Variants in KIF27 observed in about 807,000 individuals in gnomAD.
KIF27 encodes kinesin-like protein KIF27.
Under a neutral mutation model 141.8 loss-of-function variants are expected in KIF27, and 84 were observed. That is an observed-to-expected ratio of 0.59 (90% CI 0.50 to 0.71). The LOEUF (loss-of-function observed/expected upper bound fraction) is 0.71, where lower values mean the gene tolerates loss of function less well. Ranked by LOEUF, KIF27 falls within the 30% of genes least tolerant of loss-of-function variation. The pLI is 0.00. For synonymous variants in KIF27, 471 were observed against 569.5 expected, an observed-to-expected ratio of 0.83 and a Z score of 2.46; for missense variants, 1,306 against 1,628.4, an observed-to-expected ratio of 0.80 and a Z score of 3.41.
At chr9:83,913,269 G>A (rs1955362138) in intron 2 of KIF27, among the ~76,000 whole-genome samples, 1 of 152,170 alleles carries the variant, frequency 6.6e-6, no homozygotes, top group African/African-American at 2.4e-5. Context: ...TTCTGCCCTA[G>A]TGCCCAGCAC....
intron 13 of KIF27, among the ~76,000 whole-genome samples, chr9:83,865,018 C>A (rs1488386445): frequency 2.0e-5 from 3 of 151,468 alleles, no homozygotes; most frequent in Non-Finnish European, 4.4e-5. Context: ...TTTTGTTTTC[C>A]ATTTGCTTGG....
chr9:83,902,349 C>A (rs1443001202), intron 4 of KIF27, among the ~76,000 whole-genome samples: 1 of 152,170 alleles, frequency 6.6e-6, no homozygotes, highest in East Asian at 1.9e-4. Context: ...CATTCATTTG[C>A]TCACTAGCTT....
intron 3 of KIF27, among the ~76,000 whole-genome samples, chr9:83,908,192 G>C (rs1954759250): frequency 6.7e-6 from 1 of 149,472 alleles, no homozygotes; most frequent in Non-Finnish European, 1.5e-5. Context: ...AACCCAGGAG[G>C]TAGAGGTTGC....
chr9:83,891,631 G>C (rs1952691598), intron 5 of KIF27, 130 bp from the exon 6 acceptor site: 1 of 885,492 alleles, frequency 1.1e-6, no homozygotes, highest in Non-Finnish European at 1.7e-6. Flanking sequence ...CATTTATCCA[G>C]AGACTAGCTC....
chr9:83,908,715 A>T (rs1954831562), intron 2 of KIF27, 63 bp from the exon 3 acceptor site: 1 of 969,410 alleles, frequency 1.0e-6, no homozygotes. Context: ...TACAACCCCA[A>T]ATTTATAGTT....
At chr9:83,885,937 G>GT (rs993869245) in intron 9 of KIF27, among the ~76,000 whole-genome samples, 13 of 137,754 alleles carry the variant, frequency 9.4e-5, no homozygotes, top group African/African-American at 3.9e-4. Context: ...AGGGCATTAA[G>GT]TTTTTTGTGT....
chr9:83,856,065 A>G lies in KIF27; in HGVS notation c.3151-2230T>C, dbSNP rs1349465121. Among the ~76,000 whole-genome samples, 68 of 152,192 alleles carry G rather than the reference A, an allele frequency of 4.5e-4. 1 individual carries two copies. The highest frequency in any genetic ancestry group is 4.5e-3 in the Admixed American group (68 of 15,272). On this transcript the variant is annotated intron_variant, in intron 14 of 17. Coordinates refer to ENST00000297814, the MANE Select transcript of KIF27 (RefSeq NM_017576.4). ...ATCCTGGGATGAAAAATTTGCCACAATACAAACCACAGGTTATCAAGAGTT... is the reference window on the plus strand; with the variant it reads ...ATCCTGGGATGAAAAATTTGCCACAGTACAAACCACAGGTTATCAAGAGTT...
intron 13 of KIF27, among the ~76,000 whole-genome samples, chr9:83,863,149 TA>T (rs1271786293): frequency 6.6e-6 from 1 of 152,200 alleles, no homozygotes; most frequent in African/African-American, 2.4e-5. Context: ...CCTCTTTTCC[TA>T]ACTGAATACC....
intron 5 of KIF27, among the ~76,000 whole-genome samples, chr9:83,894,872 T>G (rs1326136821): frequency 6.6e-6 from 1 of 152,180 alleles, no homozygotes; most frequent in Non-Finnish European, 1.5e-5. Flanking sequence ...AGGGTGGTTT[T>G]GGGGAACCCC....
Position 83,903,745 on chromosome 9 carries a change from C to G in KIF27, c.773G>C (p.Gly258Ala), listed in dbSNP as rs1179124812. 6.2e-7 allele frequency: 1 copy of G among 1,614,196 alleles called. No homozygotes were observed. The highest frequency in any genetic ancestry group is 1.7e-5 in the Admixed American group (1 of 60,020). ...SERVTKTGNTGERFKESIQIN... is the reference protein window; with the variant it reads ...SERVTKTGNTAERFKESIQIN... ...TTGAATGGATTCTTTGAACCGTTCA[C>G]CAGTATTCCCCGTTTTGGTTACTCT... Residue 258 changes from glycine to alanine, a missense_variant, in exon 4 of 18, where the codon GGT becomes GCT. Around this residue, in one of 4 missense-constraint regions of KIF27, gnomAD observed 533 missense variants for 565.6 expected, o/e 0.94. Coordinates refer to ENST00000297814, the MANE Select transcript of KIF27 (RefSeq NM_017576.4).
chr9:83,891,447 T>C lies in KIF27; in HGVS notation c.1657A>G (p.Thr553Ala). 1.2e-6 allele frequency: 2 copies of C among 1,613,920 alleles called. No individual in the cohort carries two copies. The highest frequency in any genetic ancestry group is 1.7e-6 in the Non-Finnish European group (2 of 1,179,884). Residue 553 changes from threonine (T) to alanine (A), a missense_variant, in exon 6 of 18, where the codon ACA becomes GCA. Transcript: ENST00000297814. ...GAAGTCACTGACAGGTTAAGTTTTGTTAGTTCTTCACTCAGTTGATCCACA... is the reference window on the plus strand; with the variant it reads ...GAAGTCACTGACAGGTTAAGTTTTGCTAGTTCTTCACTCAGTTGATCCACA... ...LLVDQLSEEL[T>A]KLNLSVTSSA...
intron 1 of KIF27, 104 bp downstream of exon 1, chr9:83,921,267 C>G (rs1468611204): frequency 4.6e-5 from 7 of 152,416 alleles, no homozygotes; most frequent in Non-Finnish European, 1.0e-4. Context: ...CAACGGCCGG[C>G]TGGGGGCGCG....
chr9:83,850,135 C>G lies in KIF27; in HGVS notation c.3520G>C (p.Glu1174Gln), dbSNP rs1391582977. 6.2e-7 allele frequency: 1 copy of G among 1,613,944 alleles called. No individual in the cohort carries two copies. Among genetic ancestry groups the G allele is most frequent in the South Asian group, 1.1e-5 (1 of 91,064 alleles). The change falls in exon 16 of 18, where the codon GAA (glutamate) becomes CAA (glutamine). Residue 1174 changes from glutamate (E) to glutamine (Q), a missense_variant. Around this residue, in one of 4 missense-constraint regions of KIF27, gnomAD observed 596 missense variants for 751.6 expected, o/e 0.79. Coordinates refer to ENST00000297814, the MANE Select transcript of KIF27 (RefSeq NM_017576.4). ...TGTAATAGCAACTGCATCTTTTGTT[C>G]GTGTTCCTTTTGCTGGAGGGTCAGT... Reference protein sequence around the residue: ...RRLTLQQKEHEQKMQLLLHHF... With the variant: ...RRLTLQQKEHQQKMQLLLHHF...
chr9:83,901,357 A>G (rs935253686), intron 4 of KIF27, among the ~76,000 whole-genome samples: 12 of 152,222 alleles, frequency 7.9e-5, no homozygotes, highest in Admixed American at 2.0e-4. Flanking sequence ...TGAGTTTGGT[A>G]TAATAGGAAA....
chr9:83,853,889 G>C, intron 14 of KIF27, 54 bp from the exon 15 acceptor site: 1 of 1,280,242 alleles, frequency 7.8e-7, no homozygotes, highest in Non-Finnish European at 1.1e-6. Flanking sequence ...CTTTGACTTT[G>C]TCATATACTC....
At chr9:83,900,127 A>G (rs577285341) in intron 4 of KIF27, among the ~76,000 whole-genome samples, 1 of 152,340 alleles carries the variant, frequency 6.6e-6, no homozygotes, top group South Asian at 2.1e-4. Context: ...TGAGATTTTA[A>G]TGTGGATCAC....
At position 83,908,643 on chromosome 9, in the gene KIF27, A is replaced by C. The variant is rs1244585494; in HGVS notation, c.308T>G (p.Val103Gly). ...AGGAATGATACCCTTTTGGCCCTCC[A>C]CAACTGAAGCTGAAAATTTAGAAAA... ...TIGGGHIASV[V>G]EGQKGIIPRA... Residue 103 changes from valine to glycine, a missense_variant, in exon 3 of 18, where the codon GTG becomes GGG. Transcript: ENST00000297814. The C allele has an allele frequency of 6.3e-7, 1 of 1,585,390 alleles. No homozygotes were observed. Among genetic ancestry groups the C allele is most frequent in the Admixed American group, 1.8e-5 (1 of 55,888 alleles).
In KIF27 at chr9:83,839,485, T is replaced by G. The variant is rs1946311672; in HGVS notation, c.3722-2000A>C. Among the ~76,000 whole-genome samples the G allele has an allele frequency of 3.9e-5, 6 of 152,240 alleles. No homozygotes were observed. The South Asian group carries it at 1.2e-3, about 31-fold the overall frequency. Reference sequence around the variant, plus strand: ...TAGGTTTAAATACAAGTAGAGAGAATGTAGGTTCATATAAAACTGATTTTA... The same window carrying G: ...TAGGTTTAAATACAAGTAGAGAGAAGGTAGGTTCATATAAAACTGATTTTA... On this transcript the variant is annotated intron_variant, in intron 17 of 17. Transcript: ENST00000297814.
At chr9:83,838,938 T>C (rs1486501846) in intron 17 of KIF27, 1 of 152,198 alleles carries the variant, frequency 6.6e-6, no homozygotes, top group Non-Finnish European at 1.5e-5. Context: ...TCATACTAAG[T>C]TGACCACAGA....
Sources: gnomAD v4.1 joint callset for allele counts (sites outside exome capture counted in the v4.1 genomes callset) on GRCh38, gnomAD v4.1.1 for gene constraint, gnomAD v4.1.1 regional missense constraint, MANE v1.5 for transcripts, NCBI Gene and HGNC (gene_info 2026-07-23, HGNC 2026-07-21) for gene names.